Variants in FLT4 observed in about 807,000 individuals in gnomAD.
FLT4 encodes the protein vascular endothelial growth factor receptor 3.
A neutral mutation model predicts 163.2 loss-of-function variants in FLT4; 30 were observed. That is an observed-to-expected ratio of 0.18 (90% confidence interval 0.14 to 0.25). The LOEUF (loss-of-function observed/expected upper bound fraction) is 0.25, where lower values mean the gene tolerates loss of function less well. FLT4 is among the 10% of genes least tolerant of loss of function. FLT4 has a pLI of 1.00. For synonymous variants in FLT4, 884 were observed against 789.5 expected (o/e 1.12, Z -2.01); for missense variants, 1,510 against 1,863.8 (o/e 0.81, Z 3.50).
Position 180,630,184 on chromosome 5 carries a change from G to C in FLT4, c.513+41C>G. 6.2e-7 allele frequency: 1 copy of C among 1,603,026 alleles called. No homozygotes were observed. ...CAGGCGGCCGCCTTTCCCAGGGGTGGGATGGGAGGGTCGGATGCTGGGGTT... is the reference window on the plus strand; with the variant it reads ...CAGGCGGCCGCCTTTCCCAGGGGTGCGATGGGAGGGTCGGATGCTGGGGTT... On this transcript the variant is annotated intron_variant, in intron 4 of 29. Coordinates refer to ENST00000261937, the MANE Select transcript of FLT4 (RefSeq NM_182925.5). This position sits in a 1 kb window ranked among gnomAD's most constrained non-coding sequence, Gnocchi z 6.3.
In FLT4 at chr5:180,620,337, G is replaced by A. The variant is rs774412956; in HGVS notation, c.2407-29C>T. 1 of 1,608,026 alleles carries A rather than the reference G, an allele frequency of 6.2e-7. No individual in the cohort carries two copies. On this transcript the variant is annotated intron_variant, in intron 16 of 29. Transcript: ENST00000261937. The surrounding 1 kb of genome is among the most constrained non-coding windows in gnomAD (Gnocchi z 4.4). ...CGGGGAGGGGACAGGGAGGAGTGGG[G>A]CAGCTCACTGATTTGGCCATACCAC...
In FLT4 at chr5:180,630,035, G is replaced by A. The variant is rs753792784; in HGVS notation, c.584C>T (p.Thr195Met). The A allele has an allele frequency of 1.1e-5, 17 of 1,612,658 alleles. No individual in the cohort carries two copies. In the East Asian group the frequency reaches 1.1e-4, roughly 11 times the overall value. Residue 195 changes from threonine (T) to methionine (M), a missense_variant, in exon 5 of 30, where the codon ACG becomes ATG. Thr to Met is a moderately conservative substitution (Grantham distance 81). This residue lies in a region of FLT4 where 163 missense variants were observed against 281.1 expected (regional missense o/e 0.58). Coordinates refer to ENST00000261937, the MANE Select transcript of FLT4 (RefSeq NM_182925.5). This position sits in a 1 kb window ranked among gnomAD's most constrained non-coding sequence, Gnocchi z 6.3. ...WDDRRGMLVS[T>M]PLLHDALYLQ... ...GTACAGGGCATCGTGCAGCAGTGGC[G>A]TGGACACGAGCATGCCCCGCCGGTC... is the stretch of plus-strand genomic sequence containing the variant.
chr5:180,619,438 G>A, intron 18 of FLT4, 72 bp from the exon 19 acceptor site: 1 of 1,026,642 alleles, frequency 9.7e-7, no homozygotes, highest in Non-Finnish European at 1.4e-6. Context: ...CGGCGCTTTT[G>A]GGAGGGGGAG....
chr5:180,603,503 G>A (rs1761617317), intron 29 of FLT4, 113 bp from the exon 30 acceptor site: 1 of 931,424 alleles, frequency 1.1e-6, no homozygotes, highest in Admixed American at 2.0e-5. Context: ...CTTCAGGCCA[G>A]GAGTTAGAGT....
intron 1 of FLT4, among the ~76,000 whole-genome samples, chr5:180,644,779 C>A (rs1439730921): frequency 1.3e-5 from 2 of 152,250 alleles, no homozygotes; most frequent in African/African-American, 4.8e-5. Context: ...CTGCTTAAAA[C>A]AAATCAATCT....
chr5:180,616,537 G>A, intron 22 of FLT4, 48 bp from the exon 23 acceptor site: 1 of 1,608,072 alleles, frequency 6.2e-7, no homozygotes, highest in Non-Finnish European at 8.5e-7. Flanking sequence ...AGGCCCCTGG[G>A]GTAATACCCA....
In FLT4 at chr5:180,629,730, C is replaced by G. The variant is rs1195920577; in HGVS notation, c.782G>C (p.Gly261Ala). The G allele has an allele frequency of 6.2e-7, 1 of 1,611,978 alleles. No homozygotes were observed. Among genetic ancestry groups the G allele is most frequent in the Non-Finnish European group, 8.5e-7 (1 of 1,179,666 alleles). The change falls in exon 6 of 30, where the codon GGT becomes GCT. Residue 261 changes from glycine to alanine, a missense_variant. By Grantham distance (60) the Gly-to-Ala change is moderately conservative (BLOSUM62 0). This residue lies in a region of FLT4 where 163 missense variants were observed against 281.1 expected (regional missense o/e 0.58). Transcript: ENST00000261937. ...NCTVWAEFNS[G>A]VTFDWDYPGK... ...TGGGTAGTCCCAGTCAAAGGTGACA[C>G]CTGAGTTAAACTCAGCCCACACGGT...
Position 180,609,950 on chromosome 5 carries a change from T to G in FLT4, c.3762A>C (p.Thr1254=). 1.2e-6 allele frequency: 2 copies of G among 1,614,126 alleles called. No homozygotes were observed. Among genetic ancestry groups the G allele is most frequent in the Admixed American group, 1.7e-5 (1 of 60,034 alleles). Residue 1254 remains threonine, a synonymous_variant, in exon 28 of 30, where the codon ACA becomes ACC. Transcript: ENST00000261937. ...AETRGSSRMK[T]FEEFPMTPTT... ...TTGGGGTCATGGGGAATTCCTCAAATGTCTTCATCCTGGAGGAACCACGGG... is the reference window on the plus strand; with the variant it reads ...TTGGGGTCATGGGGAATTCCTCAAAGGTCTTCATCCTGGAGGAACCACGGG...
At chr5:180,619,426 C>CTGGCCGCTTAGCTAAGGCACTG in intron 18 of FLT4, 60 bp from the exon 19 acceptor site, 1 of 1,390,156 alleles carries the variant, frequency 7.2e-7, no homozygotes, top group Non-Finnish European at 1.0e-6. Flanking sequence ...TTCCCCGCCA[C>CTGGCCGCTTAGCTAAGGCACTG]CCGGCGCTTT....
rs373140562 is a variant in FLT4 at position 180,628,946 on chromosome 5, C to T, written c.1039G>A (p.Ala347Thr). Reference sequence around the variant, plus strand: ...GGCAGCTTCACCAGCTCGTCTCCTGCCGTGGCCTCCAGGATGGGTCCTTTG... The same window carrying T: ...GGCAGCTTCACCAGCTCGTCTCCTGTCGTGGCCTCCAGGATGGGTCCTTTG... ...WLKGPILEAT[A>T]GDELVKLPVK... The change falls in exon 8 of 30, where the codon GCA becomes ACA. Residue 347 changes from alanine (A) to threonine (T), a missense_variant. Physicochemically the swap from Ala to Thr is moderately conservative, Grantham distance 58. Transcript: ENST00000261937. 6.2e-7 allele frequency: 1 copy of T among 1,612,696 alleles called. No individual in the cohort carries two copies. Among genetic ancestry groups the T allele is most frequent in the African/African-American group, 1.3e-5 (1 of 74,942 alleles).
At chr5:180,632,079 C>T (rs540316953) in intron 1 of FLT4, among the ~76,000 whole-genome samples, 4 of 152,294 alleles carry the variant, frequency 2.6e-5, no homozygotes, top group East Asian at 3.9e-4. Flanking sequence ...GTGAGCTGAG[C>T]GGCTGGCATG....
In FLT4 at chr5:180,609,829, A is replaced by C. The variant is rs539464306; in HGVS notation, c.3807+76T>G. 4.5e-5 allele frequency: 71 copies of C among 1,582,414 alleles called. No individual in the cohort carries two copies. The African/African-American group carries it at 7.0e-4, about 16-fold the overall frequency. On this transcript the variant is annotated intron_variant, in intron 28 of 29. Coordinates refer to ENST00000261937, the MANE Select transcript of FLT4 (RefSeq NM_182925.5). ...TTGGGTTCTGCCATTTGCCTTACGA[A>C]TTCCTGACGCTGCCTCCCCTGAGGC...
At position 180,629,983 on chromosome 5, in the gene FLT4, G is replaced by A. The variant is rs1763961164; in HGVS notation, c.636C>T (p.Asp212=). The A allele has an allele frequency of 6.2e-7, 1 of 1,612,852 alleles. No individual in the cohort carries two copies. Among genetic ancestry groups the A allele is most frequent in the Non-Finnish European group, 8.5e-7 (1 of 1,180,022 alleles). The change falls in exon 5 of 30, where the codon GAC becomes GAT. Residue 212 remains aspartate (D), a synonymous_variant. Transcript: ENST00000261937. ...LYLQCETTWG[D]QDFLSNPFLV... Reference sequence around the variant, plus strand: ...GGAAGGGGTTGGAAAGGAAGTCCTGGTCTCCCCAGGTGGTCTCGCACTGCA... The same window carrying A: ...GGAAGGGGTTGGAAAGGAAGTCCTGATCTCCCCAGGTGGTCTCGCACTGCA...
intron 29 of FLT4, among the ~76,000 whole-genome samples, chr5:180,603,926 G>A (rs1230167450): frequency 2.7e-5 from 4 of 149,250 alleles, no homozygotes; most frequent in African/African-American, 1.0e-4. Context: ...AATTGCTTGA[G>A]CCCAGGAGGT....
intron 10 of FLT4, 100 bp downstream of exon 10, chr5:180,625,769 G>A: frequency 8.9e-7 from 1 of 1,118,436 alleles, no homozygotes; most frequent in South Asian, 1.3e-5. Flanking sequence ...AGGGGTACAG[G>A]GAAGACCTGG....
rs35393742 is a variant in FLT4 at position 180,622,178 on chromosome 5, G to C, written c.1658-274C>G. 0.1 allele frequency among the ~76,000 whole-genome samples: 15,423 copies of C among 151,930 alleles called. 1,212 individuals are homozygous for C. Among genetic ancestry groups the C allele is most frequent in the African/African-American group, 0.22 (9,272 of 41,360 alleles). The stretch of plus-strand genomic sequence containing the variant: ...GTGTTCCCTGGCTTTTCCCAGTGCC[G>C]TGCGCCCACTTCCTCTTGTCTCTCT... On this transcript the variant is annotated intron_variant, in intron 12 of 29. Coordinates refer to ENST00000261937, the MANE Select transcript of FLT4 (RefSeq NM_182925.5).
chr5:180,645,559 T>C (rs1370270314), intron 1 of FLT4, among the ~76,000 whole-genome samples: 3 of 152,158 alleles, frequency 2.0e-5, no homozygotes, highest in Admixed American at 2.0e-4. Context: ...CATGAACCCC[T>C]GCTGACCTCG....
chr5:180,629,418 C>T lies in FLT4; in HGVS notation c.826G>A (p.Gly276Ser). ...WDYPGKQAERGKWVPERRSQQ... is the reference protein window; with the variant it reads ...WDYPGKQAERSKWVPERRSQQ... ...GAGCGTCGCTCGGGCACCCACTTAC[C>T]CCGCTCTGCCTGCCCGCACCCAGGG... The change falls in exon 7 of 30, where the codon GGT becomes AGT. Residue 276 changes from glycine to serine, a missense_variant. Gly to Ser is a moderately conservative substitution (Grantham distance 56, BLOSUM62 0). This residue lies in a region of FLT4 where 163 missense variants were observed against 281.1 expected (regional missense o/e 0.58). Transcript: ENST00000261937. 4 of 1,611,064 alleles carry T rather than the reference C, an allele frequency of 2.5e-6. No homozygotes were observed. Among genetic ancestry groups the T allele is most frequent in the African/African-American group, 1.3e-5 (1 of 74,998 alleles).
chr5:180,641,796 C>G (rs13356643), intron 1 of FLT4, among the ~76,000 whole-genome samples: 6,334 of 152,338 alleles, frequency 0.042, 190 homozygotes, highest in South Asian at 0.12. Context: ...CACTGCCGCT[C>G]TTTGCTGTAT....
Sources: gnomAD v4.1 joint callset for allele counts (sites outside exome capture counted in the v4.1 genomes callset) on GRCh38, gnomAD v4.1.1 for gene constraint, gnomAD v4.1.1 regional missense constraint, Gnocchi (gnomAD v3.1) non-coding constraint, MANE v1.5 for transcripts, NCBI Gene and HGNC (gene_info 2026-07-23, HGNC 2026-07-21) for gene names.